The following ATRN variants were observed in gnomAD, a reference collection of about 807,000 sequenced individuals.
ATRN encodes the protein attractin-2.
Under a neutral mutation model 178.7 loss-of-function variants are expected in ATRN, and 54 were observed. That is an observed-to-expected ratio of 0.30 (90% CI 0.24 to 0.38). ATRN has a LOEUF of 0.38. ATRN is among the 10% of genes least tolerant of loss of function. The pLI, the probability that ATRN is intolerant of heterozygous loss-of-function variation, is 1.00. For missense variants in ATRN, 1,443 were observed against 1,815.1 expected (o/e 0.79, Z 3.73); for synonymous variants, 636 against 663.0 (o/e 0.96, Z 0.63).
intron 1 of ATRN, 49 bp downstream of exon 1, chr20:3,471,566 C>T (rs199693672): frequency 7.3e-7 from 1 of 1,365,638 alleles, no homozygotes; most frequent in Non-Finnish European, 9.4e-7. Flanking sequence ...GAGGCTGGGG[C>T]TGAGGGGCGT....
intron 1 of ATRN, among the ~76,000 whole-genome samples, chr20:3,479,695 G>A (rs2084591623): frequency 1.3e-5 from 2 of 152,202 alleles, no homozygotes; most frequent in South Asian, 4.1e-4. Flanking sequence ...CTGCAATCAA[G>A]GTACTGGCAG....
chr20:3,610,535 C>T (rs935773783), intron 24 of ATRN, among the ~76,000 whole-genome samples: 4 of 150,342 alleles, frequency 2.7e-5, no homozygotes, highest in South Asian at 2.1e-4. Flanking sequence ...ACTGGGATTA[C>T]AGGTGCACAC....
chr20:3,509,246 A>G (rs2085089489), intron 1 of ATRN, among the ~76,000 whole-genome samples: 1 of 143,086 alleles, frequency 7.0e-6, no homozygotes, highest in African/African-American at 2.6e-5. Flanking sequence ...AACTGTACTT[A>G]ACTGTAATGA....
chr20:3,563,248 C>T lies in ATRN; in HGVS notation c.1671C>T (p.His557=). The T allele has an allele frequency of 6.2e-7, 1 of 1,613,724 alleles. No individual in the cohort carries two copies. Among genetic ancestry groups the T allele is most frequent in the Middle Eastern group, 1.7e-4 (1 of 6,060 alleles). The change falls in exon 10 of 29, where the codon CAC becomes CAT. Residue 557 remains histidine (H), a synonymous_variant. Transcript: ENST00000262919. ...ACAGCCGATTTTTCCGTTACTTGCA[C>T]ACAGCTGTGATAGTGAGTGGAACCA... The part of the protein sequence containing the change: ...LKDSRFFRYL[H]TAVIVSGTML...
chr20:3,633,682 CACACCTGGTTTAT>C (rs2087005164), intron 25 of ATRN, among the ~76,000 whole-genome samples: 1 of 152,198 alleles, frequency 6.6e-6, no homozygotes, highest in Non-Finnish European at 1.5e-5. Context: ...CAAATCATTC[CACACCTGGTTTAT>C]ACATGAGAGA....
At chr20:3,488,910 T>C in intron 1 of ATRN, among the ~76,000 whole-genome samples, 1 of 152,252 alleles carries the variant, frequency 6.6e-6, no homozygotes. Context: ...TAATTTTCTA[T>C]GCAGAGGTCT....
chr20:3,571,471 G>A (rs1308604543), intron 11 of ATRN, among the ~76,000 whole-genome samples: 2 of 151,902 alleles, frequency 1.3e-5, no homozygotes, highest in Non-Finnish European at 2.9e-5. Context: ...TCCCTCTGTA[G>A]GCTGCATCAT....
intron 6 of ATRN, among the ~76,000 whole-genome samples, chr20:3,558,728 C>A (rs763055697): frequency 6.6e-6 from 1 of 151,858 alleles, no homozygotes; most frequent in Non-Finnish European, 1.5e-5. Flanking sequence ...TTATAATGAA[C>A]ATGTATGATT....
intron 24 of ATRN, among the ~76,000 whole-genome samples, chr20:3,621,261 G>A (rs993130582): frequency 1.3e-5 from 2 of 152,006 alleles, no homozygotes; most frequent in African/African-American, 4.8e-5. Context: ...ATGCACACAG[G>A]CAGGGAGGCT....
intron 6 of ATRN, among the ~76,000 whole-genome samples, chr20:3,555,160 C>T (rs1338825458): frequency 6.6e-6 from 1 of 151,970 alleles, no homozygotes; most frequent in Non-Finnish European, 1.5e-5. Context: ...CGCCACCTCG[C>T]CCGGCTAATT....
In ATRN at chr20:3,645,520, G is replaced by A. The variant is rs759692195; in HGVS notation, c.4166-1203G>A. Among the ~76,000 whole-genome samples, 5 of 152,198 alleles carry A rather than the reference G, an allele frequency of 3.3e-5. No homozygotes were observed. The highest frequency in any genetic ancestry group is 6.5e-5 in the Admixed American group (1 of 15,284). On this transcript the variant is annotated intron_variant, in intron 28 of 28. Transcript: ENST00000262919. This position sits in a 1 kb window ranked among gnomAD's most constrained non-coding sequence, Gnocchi z 4.7. ...TGGTGTGCCCTGAGGGCAGGGTGGC[G>A]GCTGGGGCGGCAAGGTGACAGGTGT...
intron 28 of ATRN, 48 bp from the exon 29 acceptor site, chr20:3,646,670 CAAAAT>C: frequency 1.3e-6 from 2 of 1,486,532 alleles, no homozygotes; most frequent in Non-Finnish European, 1.8e-6. Flanking sequence ...TTTTTTAAAA[CAAAAT>C]AAAAGCCAGC....
chr20:3,624,926 T>C (rs1265222847), intron 25 of ATRN, among the ~76,000 whole-genome samples: 2 of 152,240 alleles, frequency 1.3e-5, no homozygotes, highest in African/African-American at 2.4e-5. Flanking sequence ...GCTACACATA[T>C]GCTTATGCTT....
chr20:3,544,451 G>C (rs368939443), intron 3 of ATRN, among the ~76,000 whole-genome samples: 33 of 152,200 alleles, frequency 2.2e-4, no homozygotes, highest in African/African-American at 7.7e-4. Flanking sequence ...TGTGTGTCTG[G>C]GACAGATTGC....
At chr20:3,514,431 T>A (rs1221444732) in intron 1 of ATRN, among the ~76,000 whole-genome samples, 1 of 152,208 alleles carries the variant, frequency 6.6e-6, no homozygotes, top group Non-Finnish European at 1.5e-5. Context: ...CAGTCTGTCT[T>A]ATGAACATAG....
At chr20:3,536,267 G>C (rs2085531541) in intron 2 of ATRN, among the ~76,000 whole-genome samples, 1 of 152,040 alleles carries the variant, frequency 6.6e-6, no homozygotes, top group African/African-American at 2.4e-5. Flanking sequence ...GGAGTGCAGT[G>C]GTGTGATCTT....
In ATRN at chr20:3,539,637, A is replaced by C. The variant is rs2085590077; in HGVS notation, c.495-585A>C. 2.6e-5 allele frequency among the ~76,000 whole-genome samples: 4 copies of C among 152,148 alleles called. 1 individual carries two copies. In the South Asian group the frequency reaches 8.3e-4, roughly 32 times the overall value. On this transcript the variant is annotated intron_variant, in intron 2 of 28. Transcript: ENST00000262919. ...TTGGTAGGACTGCTGGCAGAATCTA[A>C]GTGCCATTTGCAGTTGGAGAGCAGA...
chr20:3,539,578 G>A (rs575916366), intron 2 of ATRN, among the ~76,000 whole-genome samples: 3 of 152,234 alleles, frequency 2.0e-5, no homozygotes, highest in South Asian at 2.1e-4. Context: ...TGAAATAGTC[G>A]TTGAGAGTAG....
At chr20:3,497,208 T>G (rs1464871212) in intron 1 of ATRN, among the ~76,000 whole-genome samples, 1 of 149,906 alleles carries the variant, frequency 6.7e-6, no homozygotes, top group Non-Finnish European at 1.5e-5. Context: ...GTCATTATGA[T>G]GTTAGCTGGT....
Sources: gnomAD v4.1 joint callset for allele counts (sites outside exome capture counted in the v4.1 genomes callset) on GRCh38, gnomAD v4.1.1 for gene constraint, Gnocchi (gnomAD v3.1) non-coding constraint, MANE v1.5 for transcripts, NCBI Gene and HGNC (gene_info 2026-07-23, HGNC 2026-07-21) for gene names.